Variants in NTN1 observed in about 807,000 individuals in gnomAD.
The protein encoded by NTN1 is netrin-1.
A neutral mutation model predicts 54.2 loss-of-function variants in NTN1; 11 were observed. That is an observed-to-expected ratio of 0.20 (90% CI 0.13 to 0.34). The LOEUF is 0.34. NTN1 is among the 10% of genes least tolerant of loss of function. The pLI is 1.00. For missense variants in NTN1, 740 were observed against 893.1 expected (o/e 0.83, Z 2.18); for synonymous variants, 371 against 382.0 (o/e 0.97, Z 0.33).
intron 6 of NTN1, among the ~76,000 whole-genome samples, chr17:9,233,323 C>G (rs568690884): frequency 3.3e-5 from 5 of 152,096 alleles, no homozygotes; most frequent in Non-Finnish European, 5.9e-5. Context: ...GGGCCTTTCC[C>G]GCCCTGTGTC....
chr17:9,031,914 T>G (rs2151509976), intron 2 of NTN1, among the ~76,000 whole-genome samples: 1 of 151,844 alleles, frequency 6.6e-6, no homozygotes, highest in South Asian at 2.1e-4. Context: ...TGAGTCGAGA[T>G]CGTGCCACTG....
intron 2 of NTN1, among the ~76,000 whole-genome samples, chr17:9,149,440 C>T (rs367627811): frequency 9.3e-4 from 141 of 152,300 alleles, no homozygotes; most frequent in Middle Eastern, 6.8e-3. Context: ...CCAGCAGCCA[C>T]AGGGTTTTAT....
the NTN1 span, among the ~76,000 whole-genome samples, chr17:9,013,643 C>T: frequency 3.9e-5 from 6 of 152,222 alleles, no homozygotes; most frequent in African/African-American, 1.4e-4. Context: ...TGAGATTCTC[C>T]AGTTCATCCT....
intron 3 of NTN1, chr17:9,175,675 C>T (rs2092398155): frequency 6.6e-6 from 1 of 152,244 alleles, no homozygotes; most frequent in Non-Finnish European, 1.5e-5. Flanking sequence ...ACCTGGATCC[C>T]CTCTTACCTG....
intron 2 of NTN1, among the ~76,000 whole-genome samples, chr17:9,084,385 G>T (rs555240102): frequency 1.3e-5 from 2 of 152,216 alleles, no homozygotes; most frequent in Non-Finnish European, 2.9e-5. Context: ...TAGTCATTGT[G>T]TGGGAGGGAA....
chr17:9,117,268 G>A (rs545251535), intron 2 of NTN1, among the ~76,000 whole-genome samples: 1 of 152,286 alleles, frequency 6.6e-6, no homozygotes, highest in South Asian at 2.1e-4. Flanking sequence ...TGGTGGCAGG[G>A]GCCACAGACT....
chr17:9,143,830 A>G (rs2092305206), intron 2 of NTN1, among the ~76,000 whole-genome samples: 1 of 151,904 alleles, frequency 6.6e-6, no homozygotes, highest in South Asian at 2.1e-4. Flanking sequence ...GCAGAGGCCA[A>G]GGGTCTCCCT....
chr17:9,113,699 G>GGA (rs2142254390), intron 2 of NTN1, among the ~76,000 whole-genome samples: 1 of 152,162 alleles, frequency 6.6e-6, no homozygotes, highest in South Asian at 2.1e-4. Context: ...TGTCATATAG[G>GGA]GAGAGAGTAT....
chr17:9,050,320 G>C (rs940657376), intron 2 of NTN1, among the ~76,000 whole-genome samples: 2 of 151,936 alleles, frequency 1.3e-5, no homozygotes, highest in Admixed American at 6.6e-5. Flanking sequence ...TGAGCATCGT[G>C]AGTCCTGCTT....
intron 2 of NTN1, among the ~76,000 whole-genome samples, chr17:9,041,079 T>C (rs1208700430): frequency 2.0e-5 from 3 of 152,190 alleles, no homozygotes; most frequent in Non-Finnish European, 4.4e-5. Context: ...TCCCAAACTG[T>C]GCTCTTTTTT....
the NTN1 span, among the ~76,000 whole-genome samples, chr17:9,003,576 C>T: frequency 1.3e-5 from 2 of 148,358 alleles, no homozygotes; most frequent in South Asian, 4.2e-4. The surrounding 1 kb of genome is among the most constrained non-coding windows in gnomAD (Gnocchi z 7.4). Context: ...GCTCGGCGGC[C>T]GGCCAAGCCA....
chr17:9,140,510 G>T (rs1221091332), intron 2 of NTN1, among the ~76,000 whole-genome samples: 1 of 152,248 alleles, frequency 6.6e-6, no homozygotes, highest in Non-Finnish European at 1.5e-5. Context: ...ACCAGAGCCA[G>T]ATGTGTGTGT....
the NTN1 span, among the ~76,000 whole-genome samples, chr17:9,005,424 G>A: frequency 7.7e-6 from 1 of 129,172 alleles, no homozygotes; most frequent in Non-Finnish European, 1.6e-5. Flanking sequence ...CCCCCACCCC[G>A]ACCCAACACA....
intron 6 of NTN1, among the ~76,000 whole-genome samples, chr17:9,232,994 C>T (rs145032430): frequency 6.6e-6 from 1 of 152,192 alleles, no homozygotes; most frequent in Non-Finnish European, 1.5e-5. Flanking sequence ...CCTCATTTGT[C>T]CTGGCCGCTG....
chr17:9,066,787 G>A (rs917934941), intron 2 of NTN1, among the ~76,000 whole-genome samples: 5 of 152,048 alleles, frequency 3.3e-5, no homozygotes, highest in African/African-American at 1.2e-4. Flanking sequence ...ATCACCTGAG[G>A]TCAGGAGTTC....
At chr17:9,021,914 G>C (rs1022402407) in intron 1 of NTN1, among the ~76,000 whole-genome samples, 1 of 152,146 alleles carries the variant, frequency 6.6e-6, no homozygotes, top group Non-Finnish European at 1.5e-5. Flanking sequence ...CGCGATCGGG[G>C]GGCATCTGAG....
chr17:9,034,382 C>T (rs1214393934), intron 2 of NTN1, among the ~76,000 whole-genome samples: 1 of 151,960 alleles, frequency 6.6e-6, no homozygotes, highest in Non-Finnish European at 1.5e-5. Flanking sequence ...CTCATTTAAT[C>T]CTCATAGCGG....
chr17:9,172,636 C>T (rs1010999573), intron 3 of NTN1, among the ~76,000 whole-genome samples: 4 of 152,168 alleles, frequency 2.6e-5, no homozygotes, highest in Admixed American at 1.3e-4. Flanking sequence ...GGGCAAAACA[C>T]TTGAATGGAA....
At chr17:9,003,429 T>C in the NTN1 span, among the ~76,000 whole-genome samples, 2 of 151,424 alleles carry the variant, frequency 1.3e-5, no homozygotes, top group Admixed American at 6.6e-5. This position sits in a 1 kb window ranked among gnomAD's most constrained non-coding sequence, Gnocchi z 7.4. Context: ...TCCTGCGCAC[T>C]TGGCGCGCTC....
Sources: gnomAD v4.1 joint callset for allele counts (sites outside exome capture counted in the v4.1 genomes callset) on GRCh38, gnomAD v4.1.1 for gene constraint, Gnocchi (gnomAD v3.1) non-coding constraint, MANE v1.5 for transcripts, NCBI Gene and HGNC (gene_info 2026-07-23, HGNC 2026-07-21) for gene names.